ENOX1: variants seen among roughly 807,000 people sequenced by gnomAD.
ENOX1 encodes candidate growth-related and time keeping constitutive hydroquinone (NADH) oxidase.
ENOX1 carries 42 observed loss-of-function variants against 82.5 expected under a neutral mutation model. The ratio of observed to expected loss-of-function variants is 0.51; its 90% CI spans 0.40 to 0.66. ENOX1 has a LOEUF of 0.66. Ranked by LOEUF, ENOX1 falls within the 30% of genes least tolerant of loss-of-function variation. The pLI is 0.00. For synonymous variants in ENOX1, 271 were observed against 282.2 expected, an observed-to-expected ratio of 0.96 and a Z score of 0.40; for missense variants, 608 against 811.6, an observed-to-expected ratio of 0.75 and a Z score of 3.05.
At chr13:43,361,603 C>A in intron 5 of ENOX1, 151 bp from the exon 6 acceptor site, 2 of 671,930 alleles carry the variant, frequency 3.0e-6, no homozygotes, top group East Asian at 3.3e-5. Flanking sequence ...AAAGCTATGC[C>A]AGAAGGGTAA....
chr13:43,713,550 T>C (rs922872765), intron 1 of ENOX1, among the ~76,000 whole-genome samples: 49 of 152,210 alleles, frequency 3.2e-4, no homozygotes, highest in Non-Finnish European at 6.2e-4. Context: ...TCCTGGACTC[T>C]TTTTGGTTGG....
intron 1 of ENOX1, among the ~76,000 whole-genome samples, chr13:43,731,391 T>C (rs987337457): frequency 6.6e-6 from 1 of 152,210 alleles, no homozygotes; most frequent in African/African-American, 2.4e-5. Context: ...GTATAGTAAA[T>C]GACAAAGTTT....
At chr13:43,335,840 C>T (rs1352462598) in intron 9 of ENOX1, among the ~76,000 whole-genome samples, 1 of 151,524 alleles carries the variant, frequency 6.6e-6, no homozygotes, top group Non-Finnish European at 1.5e-5. Context: ...TCCACCATCA[C>T]CTTTGGCATC....
At chr13:43,757,974 C>G (rs942018719) in intron 1 of ENOX1, among the ~76,000 whole-genome samples, 1 of 152,098 alleles carries the variant, frequency 6.6e-6, no homozygotes, top group African/African-American at 2.4e-5. Flanking sequence ...GTGGGTCACG[C>G]CTGTAATCCC....
intron 13 of ENOX1, among the ~76,000 whole-genome samples, chr13:43,266,965 T>A (rs1313528733): frequency 6.6e-6 from 1 of 152,192 alleles, no homozygotes; most frequent in African/African-American, 2.4e-5. Context: ...TCTCCTCTCT[T>A]TTAAATAAAC....
At chr13:43,735,699 T>C (rs7985831) in intron 1 of ENOX1, among the ~76,000 whole-genome samples, 14,139 of 151,818 alleles carry the variant, frequency 0.093, 1,103 homozygotes, top group African/African-American at 0.21. Flanking sequence ...CCAGCCTGGG[T>C]GACAGAGCAA....
intron 2 of ENOX1, chr13:43,545,830 T>C (rs1019910098): frequency 2.6e-5 from 4 of 152,228 alleles, no homozygotes; most frequent in Non-Finnish European, 4.4e-5. Context: ...GTTGTTGGCA[T>C]CTACTATCCT....
chr13:43,480,599 CT>C, intron 3 of ENOX1, among the ~76,000 whole-genome samples: 1 of 152,190 alleles, frequency 6.6e-6, no homozygotes, highest in East Asian at 1.9e-4. Context: ...ATGATATGAG[CT>C]CAGAAATTAC....
chr13:43,757,497 C>T (rs1566887594), intron 1 of ENOX1, among the ~76,000 whole-genome samples: 1 of 152,170 alleles, frequency 6.6e-6, no homozygotes, highest in Non-Finnish European at 1.5e-5. Context: ...AGCCAACCAC[C>T]AGACATGTGA....
At chr13:43,770,548 T>C (rs1951525555) in intron 1 of ENOX1, among the ~76,000 whole-genome samples, 1 of 152,218 alleles carries the variant, frequency 6.6e-6, no homozygotes, top group Admixed American at 6.5e-5. Context: ...ATTCAAGTCA[T>C]TAAAAATTTT....
At chr13:43,677,160 G>A (rs1296248533) in intron 1 of ENOX1, among the ~76,000 whole-genome samples, 2 of 152,070 alleles carry the variant, frequency 1.3e-5, no homozygotes, top group South Asian at 2.1e-4. Flanking sequence ...TGTAGTCAAT[G>A]AGATTGGCAG....
chr13:43,737,537 T>C (rs191246072), intron 1 of ENOX1, among the ~76,000 whole-genome samples: 1 of 152,284 alleles, frequency 6.6e-6, no homozygotes, highest in East Asian at 1.9e-4. Flanking sequence ...ACCAAATAGA[T>C]GGGAACCCTT....
chr13:43,537,043 G>T (rs892677673), intron 2 of ENOX1, among the ~76,000 whole-genome samples: 2 of 152,150 alleles, frequency 1.3e-5, no homozygotes, highest in Non-Finnish European at 2.9e-5. Context: ...ACCACACATA[G>T]GTAAAGTCTT....
At chr13:43,297,004 G>A (rs2046320874) in intron 12 of ENOX1, among the ~76,000 whole-genome samples, 1 of 152,172 alleles carries the variant, frequency 6.6e-6, no homozygotes, top group African/African-American at 2.4e-5. Context: ...CGATTTTCAA[G>A]TACAGAGACT....
At chr13:43,703,517 C>T (rs558258542) in intron 1 of ENOX1, among the ~76,000 whole-genome samples, 2 of 152,262 alleles carry the variant, frequency 1.3e-5, no homozygotes, top group South Asian at 2.1e-4. Flanking sequence ...GAATGTTATA[C>T]GCTTATCTTC....
chr13:43,458,055 T>C (rs541783472), intron 3 of ENOX1, among the ~76,000 whole-genome samples: 1 of 152,356 alleles, frequency 6.6e-6, no homozygotes, highest in Non-Finnish European at 1.5e-5. Flanking sequence ...TAAATTTGTC[T>C]AGCTCAAATT....
At chr13:43,328,853 T>C (rs1013450228) in intron 9 of ENOX1, among the ~76,000 whole-genome samples, 12 of 152,224 alleles carry the variant, frequency 7.9e-5, no homozygotes, top group African/African-American at 2.9e-4. Flanking sequence ...ACATCTGGAT[T>C]CCTGTTAGCT....
At chr13:43,643,635 A>G (rs58325557) in intron 2 of ENOX1, among the ~76,000 whole-genome samples, 84,225 of 147,948 alleles carry the variant, frequency 0.57, 23,785 homozygotes, top group Middle Eastern at 0.65. Context: ...GTGTGTGTGT[A>G]TATATATATA....
chr13:43,638,822 G>T (rs1210613615), intron 2 of ENOX1, among the ~76,000 whole-genome samples: 1 of 152,148 alleles, frequency 6.6e-6, no homozygotes, highest in East Asian at 1.9e-4. Flanking sequence ...CTAAATATTG[G>T]ATTTTAAAAC....
Sources: gnomAD v4.1 joint callset for allele counts (sites outside exome capture counted in the v4.1 genomes callset) on GRCh38, gnomAD v4.1.1 for gene constraint, MANE v1.5 for transcripts, NCBI Gene and HGNC (gene_info 2026-07-23, HGNC 2026-07-21) for gene names.